Variants in CIMIP2A observed in about 807,000 individuals in gnomAD.
CIMIP2A encodes ciliary microtubule inner protein 2A.
At chr9:137,252,570 G>A in the CIMIP2A span, 9 of 1,497,848 alleles carry the variant, frequency 6.0e-6, no homozygotes, top group Non-Finnish European at 8.1e-6. Flanking sequence ...ACGCAGGCAG[G>A]GGGCTGGGGG....
chr9:137,249,172 G>GA, the CIMIP2A span, among the ~76,000 whole-genome samples: 1 of 151,734 alleles, frequency 6.6e-6, no homozygotes, highest in African/African-American at 2.4e-5. Context: ...ACCTTTTTAA[G>GA]AAAAAAAGAC....
At chr9:137,244,310 A>G in the CIMIP2A span, 1 of 1,612,994 alleles carries the variant, frequency 6.2e-7, no homozygotes. Context: ...GGAAGGTGCT[A>G]ACAAGCTCCC....
At chr9:137,252,455 C>T in the CIMIP2A span, 1 of 1,610,936 alleles carries the variant, frequency 6.2e-7, no homozygotes, top group Non-Finnish European at 8.5e-7. Context: ...GGCCGCAGGG[C>T]ATGGCAGACT....
At chr9:137,247,684 G>T in the CIMIP2A span, 2 of 1,613,394 alleles carry the variant, frequency 1.2e-6, no homozygotes, top group Non-Finnish European at 1.7e-6. Context: ...AGGCTCCGGC[G>T]TGAAGAGATC....
the CIMIP2A span, chr9:137,250,379 C>T: frequency 6.6e-6 from 1 of 152,348 alleles, no homozygotes; most frequent in Non-Finnish European, 1.5e-5. Flanking sequence ...GCAGGGGCCC[C>T]GGAGCACAGG....
chr9:137,253,292 T>C, the CIMIP2A span: 6 of 1,575,374 alleles, frequency 3.8e-6, no homozygotes, highest in South Asian at 7.0e-5. Flanking sequence ...AGTGGAACCA[T>C]GGCCTCCCCC....
At chr9:137,249,617 G>T in the CIMIP2A span, among the ~76,000 whole-genome samples, 1 of 152,164 alleles carries the variant, frequency 6.6e-6, no homozygotes. Context: ...TTCCAGGAGA[G>T]GTCCCACCTA....
the CIMIP2A span, chr9:137,247,624 CTGG>C: frequency 2.5e-6 from 4 of 1,603,792 alleles, no homozygotes; most frequent in Non-Finnish European, 3.4e-6. Flanking sequence ...TCCTGCAGCC[CTGG>C]CCCCAGCCAC....
the CIMIP2A span, among the ~76,000 whole-genome samples, chr9:137,249,519 G>A: frequency 1.3e-5 from 2 of 152,176 alleles, no homozygotes; most frequent in Non-Finnish European, 2.9e-5. Context: ...GGGTGCGGGC[G>A]GGGGACTTTT....
chr9:137,251,829 C>G, the CIMIP2A span: 49 of 1,606,242 alleles, frequency 3.1e-5, no homozygotes, highest in Non-Finnish European at 4.2e-5. Flanking sequence ...CCCAGTTGGC[C>G]TCAGGTTACA....
At chr9:137,251,895 TGTGA>T in the CIMIP2A span, 8 of 1,606,688 alleles carry the variant, frequency 5.0e-6, no homozygotes, top group South Asian at 1.1e-5. Flanking sequence ...GAGGGAACTA[TGTGA>T]GTGAGGGTCC....
At chr9:137,249,566 C>G in the CIMIP2A span, among the ~76,000 whole-genome samples, 1 of 152,196 alleles carries the variant, frequency 6.6e-6, no homozygotes, top group Non-Finnish European at 1.5e-5. Context: ...CAAGGCAGGA[C>G]GCTAACATTC....
At chr9:137,251,259 C>T in the CIMIP2A span, 8 of 1,449,954 alleles carry the variant, frequency 5.5e-6, no homozygotes, top group Admixed American at 1.7e-5. Context: ...TCCGTGGTGC[C>T]GTTGGGGAAG....
the CIMIP2A span, among the ~76,000 whole-genome samples, chr9:137,246,484 C>T: frequency 6.6e-6 from 1 of 152,230 alleles, no homozygotes; most frequent in East Asian, 1.9e-4. Flanking sequence ...TGCCAAAGGG[C>T]CGGGCGCGGT....
At chr9:137,253,359 C>T in the CIMIP2A span, 10 of 1,540,906 alleles carry the variant, frequency 6.5e-6, no homozygotes, top group Non-Finnish European at 6.1e-6. Context: ...TTCTGACCCT[C>T]TGGGCACCCC....
the CIMIP2A span, among the ~76,000 whole-genome samples, chr9:137,254,637 AG>A: frequency 6.6e-6 from 1 of 152,332 alleles, no homozygotes; most frequent in Admixed American, 6.5e-5. Flanking sequence ...GGGTGTGTGT[AG>A]GGGGCTTGGC....
chr9:137,244,956 T>TC, the CIMIP2A span: 95 of 1,601,544 alleles, frequency 5.9e-5, 1 homozygote, highest in Admixed American at 5.0e-4. Flanking sequence ...GCAGAGGAGG[T>TC]CCCCCCAGGC....
the CIMIP2A span, chr9:137,245,211 T>C: frequency 2.9e-5 from 46 of 1,579,034 alleles, no homozygotes; most frequent in Middle Eastern, 1.7e-4. Flanking sequence ...CCTCTGGCAG[T>C]GGTACAGCTG....
the CIMIP2A span, chr9:137,244,868 G>C: frequency 6.4e-6 from 10 of 1,566,758 alleles, no homozygotes; most frequent in African/African-American, 1.4e-4. Flanking sequence ...GCGACTGTCT[G>C]ATGTGGCCAA....
Sources: allele counts gnomAD v4.1 joint callset (sites outside exome capture counted in the v4.1 genomes callset), GRCh38; gene constraint gnomAD v4.1.1; transcripts MANE v1.5; gene names NCBI Gene and HGNC (gene_info 2026-07-23, HGNC 2026-07-21).